Variants in ZNF708 observed in about 807,000 individuals in gnomAD.
ZNF708 encodes zinc finger protein 708.
A neutral mutation model predicts 47.0 loss-of-function variants in ZNF708; 44 were observed. That is an observed-to-expected ratio of 0.94 (90% confidence interval 0.74 to 1.20). The LOEUF is 1.20. Among genes scored for constraint, ZNF708 ranks in the 50% most tolerant of loss-of-function variants. The pLI is 0.00. For synonymous variants in ZNF708, 184 were observed against 218.5 expected (o/e 0.84, Z 1.39); for missense variants, 557 against 656.0 (o/e 0.85, Z 1.65).
chr19:21,304,566 G>C (rs985609637), intron 3 of ZNF708, among the ~76,000 whole-genome samples: 1 of 152,174 alleles, frequency 6.6e-6, no homozygotes, highest in Non-Finnish European at 1.5e-5. Context: ...AGTGTGTTCT[G>C]TTACGACACA....
At chr19:21,325,673 A>G (rs1307213818) in intron 1 of ZNF708, among the ~76,000 whole-genome samples, 1 of 152,244 alleles carries the variant, frequency 6.6e-6, no homozygotes, top group Non-Finnish European at 1.5e-5. Flanking sequence ...TTTCATGACC[A>G]AGAACTCAAA....
At chr19:21,310,282 T>C (rs1251801293) in intron 2 of ZNF708, among the ~76,000 whole-genome samples, 1 of 151,268 alleles carries the variant, frequency 6.6e-6, no homozygotes, top group Non-Finnish European at 1.5e-5. Context: ...CCATCTCTAC[T>C]AAAAATACAA....
intron 1 of ZNF708, chr19:21,318,078 G>A (rs1273735177): frequency 2.0e-5 from 3 of 152,310 alleles, no homozygotes; most frequent in Non-Finnish European, 4.4e-5. Flanking sequence ...CCAAAGCACA[G>A]AGCTCACAGC....
intron 1 of ZNF708, among the ~76,000 whole-genome samples, chr19:21,328,319 A>T (rs1323236034): frequency 6.6e-6 from 1 of 152,240 alleles, no homozygotes; most frequent in African/African-American, 2.4e-5. Context: ...AAAATGATTA[A>T]CTAAAATACA....
chr19:21,306,614 T>C (rs1232892711), intron 3 of ZNF708, among the ~76,000 whole-genome samples: 1 of 152,140 alleles, frequency 6.6e-6, no homozygotes. Flanking sequence ...CTGTTGATTG[T>C]TGGTAGAAAA....
intron 1 of ZNF708, among the ~76,000 whole-genome samples, chr19:21,313,480 C>A (rs577654247): frequency 6.6e-6 from 1 of 152,058 alleles, no homozygotes; most frequent in Non-Finnish European, 1.5e-5. Flanking sequence ...TGTAGAAAAG[C>A]CAGGCGCGGT....
At chr19:21,325,926 A>C (rs138583965) in intron 1 of ZNF708, among the ~76,000 whole-genome samples, 369 of 152,334 alleles carry the variant, frequency 2.4e-3, no homozygotes, top group Middle Eastern at 0.024. Flanking sequence ...AATTCTCAAA[A>C]GAAGGTATAC....
Position 21,329,403 on chromosome 19 carries a change from G to A in ZNF708, c.-191C>T, listed in dbSNP as rs1217225868. On this transcript the variant is annotated 5_prime_UTR_variant, in exon 1 of 4. Coordinates refer to ENST00000356929, the MANE Select transcript of ZNF708 (RefSeq NM_021269.3). ...GCCGCCCTGTCCGGTCCAGCTGCGT[G>A]TCTGAGTGAACTGTCCCCAGCTCAG... is the stretch of plus-strand genomic sequence containing the variant. The A allele has an allele frequency of 3.8e-6, 3 of 786,620 alleles. No homozygotes were observed. In the East Asian group the frequency reaches 9.2e-5, roughly 24 times the overall value. 48.7% of individuals were successfully genotyped at this position (786,620 alleles called of 1,614,324 possible).
At chr19:21,300,163 C>T (rs890943886) in intron 3 of ZNF708, among the ~76,000 whole-genome samples, 5 of 150,432 alleles carry the variant, frequency 3.3e-5, no homozygotes, top group African/African-American at 9.8e-5. Flanking sequence ...ATTAGCCAGG[C>T]GTCGTGCCAC....
At chr19:21,314,162 A>AACAGAAC in intron 1 of ZNF708, among the ~76,000 whole-genome samples, 1 of 151,976 alleles carries the variant, frequency 6.6e-6, no homozygotes, top group East Asian at 1.9e-4. Flanking sequence ...GGTGAATCTG[A>AACAGAAC]ACAGAACTGG....
At chr19:21,297,268 A>AT (rs1568345549) in intron 3 of ZNF708, among the ~76,000 whole-genome samples, 58 of 15,352 alleles carry the variant, frequency 3.8e-3, no homozygotes, top group East Asian at 0.018. Flanking sequence ...ATATATATAT[A>AT]TATTTTTTTT....
Position 21,293,230 on chromosome 19 carries a change from T to C in ZNF708, c.*44A>G, listed in dbSNP as rs553780567. Reference sequence around the variant, plus strand: ...GATTTCTCTCCAGTATGAATTATCTTGTGTTTTAATAAAAGTTGAAAATAC... The same window carrying C: ...GATTTCTCTCCAGTATGAATTATCTCGTGTTTTAATAAAAGTTGAAAATAC... On this transcript the variant is annotated 3_prime_UTR_variant, in exon 4 of 4. Coordinates refer to ENST00000356929, the MANE Select transcript of ZNF708 (RefSeq NM_021269.3). 6.4e-7 allele frequency: 1 copy of C among 1,570,388 alleles called. No individual in the cohort carries two copies. Among genetic ancestry groups the C allele is most frequent in the East Asian group, 2.2e-5 (1 of 44,584 alleles).
At position 21,293,650 on chromosome 19, in the gene ZNF708, TTA is replaced by T. The variant is rs768436064; in HGVS notation, c.1314_1315del (p.His438GlnfsTer6). ...GGGTTTGTCTTCAGTATGAATTACT[TTA>T]TGTTTAGTAAGGATTGAGAATATAC... On this transcript the variant is annotated frameshift_variant, in exon 4 of 4. Transcript: ENST00000356929. LOFTEE classifies it high-confidence loss of function. 9.3e-6 allele frequency: 15 copies of T among 1,612,410 alleles called. No individual in the cohort carries two copies. In the East Asian group the frequency reaches 2.7e-4, roughly 29 times the overall value.
intron 1 of ZNF708, chr19:21,318,725 G>A (rs886087407): frequency 2.0e-5 from 3 of 152,056 alleles, no homozygotes; most frequent in East Asian, 1.9e-4. Context: ...TTTAAATTAC[G>A]AACTGGAATC....
intron 3 of ZNF708, among the ~76,000 whole-genome samples, chr19:21,297,260 ATATATATATATT>A (rs1568345497): frequency 2.0e-4 from 3 of 15,226 alleles, no homozygotes; most frequent in Non-Finnish European, 4.4e-4. Context: ...ATATATATAT[ATATATATATATT>A]TTTTTTTTTT....
At chr19:21,299,803 T>C (rs971748477) in intron 3 of ZNF708, among the ~76,000 whole-genome samples, 16 of 151,950 alleles carry the variant, frequency 1.1e-4, no homozygotes, top group African/African-American at 3.6e-4. Flanking sequence ...TTTTTTTAAT[T>C]CTAAATTTTG....
intron 3 of ZNF708, among the ~76,000 whole-genome samples, chr19:21,300,403 G>A (rs1431567026): frequency 6.6e-6 from 1 of 151,694 alleles, no homozygotes; most frequent in African/African-American, 2.4e-5. Flanking sequence ...CTACTCGGGA[G>A]GCTGAGGCAA....
At chr19:21,324,250 A>T (rs1973212857) in intron 1 of ZNF708, among the ~76,000 whole-genome samples, 1 of 151,372 alleles carries the variant, frequency 6.6e-6, no homozygotes, top group Non-Finnish European at 1.5e-5. Flanking sequence ...CTCAAAAAAA[A>T]ATAAACTTAA....
intron 3 of ZNF708, among the ~76,000 whole-genome samples, chr19:21,300,693 C>T (rs1972641544): frequency 6.6e-6 from 1 of 151,820 alleles, no homozygotes; most frequent in East Asian, 1.9e-4. Context: ...CAGAGTCTCG[C>T]TCTGTCTCCC....
Sources: gnomAD v4.1 joint callset for allele counts (sites outside exome capture counted in the v4.1 genomes callset) on GRCh38, gnomAD v4.1.1 for gene constraint, MANE v1.5 for transcripts, NCBI Gene and HGNC (gene_info 2026-07-23, HGNC 2026-07-21) for gene names.